AHRR: variants seen among roughly 807,000 people sequenced by gnomAD.
AHRR encodes ahR repressor.
AHRR carries 28 observed loss-of-function variants against 44.0 expected under a neutral mutation model. The observed-to-expected ratio is 0.64, with a 90% CI of 0.47 to 0.87. The LOEUF is 0.87. AHRR is among the 40% of genes least tolerant of loss of function. The pLI is 0.00. For synonymous variants in AHRR, 434 were observed against 407.0 expected (o/e 1.07, Z -0.80); for missense variants, 990 against 953.9 (o/e 1.04, Z -0.50).
At chr5:344,043 G>C (rs1416125553) in intron 2 of AHRR, 79 bp downstream of exon 2, 13 of 1,463,226 alleles carry the variant, frequency 8.9e-6, no homozygotes, top group Non-Finnish European at 1.0e-5. Flanking sequence ...TGAAAACGGA[G>C]TTTTAGGAAC....
intron 2 of AHRR, among the ~76,000 whole-genome samples, chr5:347,012 G>C (rs1255348654): frequency 6.6e-6 from 1 of 152,156 alleles, no homozygotes; most frequent in Non-Finnish European, 1.5e-5. Flanking sequence ...GCCAAAGCAC[G>C]GGCGTTTGTA....
At chr5:334,583 T>C (rs187673171) in intron 1 of AHRR, among the ~76,000 whole-genome samples, 2 of 152,210 alleles carry the variant, frequency 1.3e-5, no homozygotes. Context: ...ATCTCATTCA[T>C]ATTCTGAATT....
intron 4 of AHRR, among the ~76,000 whole-genome samples, chr5:389,465 T>C (rs933272042): frequency 5.3e-5 from 8 of 152,194 alleles, no homozygotes; most frequent in African/African-American, 1.7e-4. Context: ...ACGTGCTGCG[T>C]AGCCGGAAAT....
chr5:382,895 A>G (rs10071582), intron 4 of AHRR, among the ~76,000 whole-genome samples: 112,410 of 152,086 alleles, frequency 0.74, 42,255 homozygotes, highest in Non-Finnish European at 0.77. Context: ...ACTCTGTAAT[A>G]TAAGCATTTA....
intron 1 of AHRR, among the ~76,000 whole-genome samples, chr5:341,464 C>T (rs1222351871): frequency 6.6e-5 from 10 of 151,204 alleles, no homozygotes; most frequent in Non-Finnish European, 4.4e-5. Flanking sequence ...AAAGAACCAA[C>T]TTTTGGTTTA....
chr5:372,103 T>A (rs766172447), intron 3 of AHRR, among the ~76,000 whole-genome samples: 2 of 152,182 alleles, frequency 1.3e-5, no homozygotes, highest in African/African-American at 2.4e-5. Flanking sequence ...CTGGTTGAGC[T>A]CCTCCTCCAG....
At chr5:432,690 G>A in intron 9 of AHRR, 116 bp from the exon 10 acceptor site, 1 of 1,558,732 alleles carries the variant, frequency 6.4e-7, no homozygotes. Context: ...CCTGGGCTCT[G>A]GTCTGTGCAT....
intron 8 of AHRR, 29 bp from the exon 9 acceptor site, chr5:432,427 CGTCACAT>C: frequency 6.3e-7 from 1 of 1,597,712 alleles, no homozygotes; most frequent in Non-Finnish European, 8.6e-7. Context: ...CTTGTTCATC[CGTCACAT>C]GTCACATGTT....
chr5:332,240 GAAGA>G (rs982338073), intron 1 of AHRR, among the ~76,000 whole-genome samples: 1 of 142,678 alleles, frequency 7.0e-6, no homozygotes, highest in Non-Finnish European at 1.5e-5. Context: ...AGGAAAAAAA[GAAGA>G]AAGAAAAATC....
intron 4 of AHRR, among the ~76,000 whole-genome samples, chr5:398,690 G>GT (rs1345006383): frequency 6.6e-6 from 1 of 152,198 alleles, no homozygotes; most frequent in Non-Finnish European, 1.5e-5. Context: ...CTGTTACTCC[G>GT]TTTTAAGCTG....
rs2671900 is a variant in AHRR at position 406,999 on chromosome 5, C to T, written c.352-6345C>T. 0.012 allele frequency among the ~76,000 whole-genome samples: 1,875 copies of T among 152,248 alleles called. 44 individuals carry two copies. The highest frequency in any genetic ancestry group is 0.044 in the African/African-American group (1,820 of 41,536). ...TTTTCATGCATCAAATTTCCATTTG[C>T]GCTTGGACCCATTTCTGGATGTTCC... On this transcript the variant is annotated intron_variant, in intron 4 of 10. Transcript: ENST00000684583. This position sits in a 1 kb window ranked among gnomAD's most constrained non-coding sequence, Gnocchi z 4.7.
intron 4 of AHRR, chr5:403,696 A>ATTTT: frequency 1.9e-6 from 1 of 530,786 alleles, no homozygotes; most frequent in Non-Finnish European, 2.8e-6. Flanking sequence ...TTTTTTTTTT[A>ATTTT]CTTTCTCTCA....
intron 3 of AHRR, among the ~76,000 whole-genome samples, chr5:362,914 C>T (rs1353637929): frequency 6.6e-6 from 1 of 152,234 alleles, no homozygotes; most frequent in Admixed American, 6.5e-5. Context: ...CAGCAAACCT[C>T]CTTTGTGGAC....
At chr5:373,892 C>T (rs1306010152) in intron 3 of AHRR, among the ~76,000 whole-genome samples, 2 of 150,886 alleles carry the variant, frequency 1.3e-5, no homozygotes, top group Non-Finnish European at 3.0e-5. Flanking sequence ...CTGGCTGGCC[C>T]CATCGCGTGA....
chr5:419,740 T>C lies in AHRR; in HGVS notation c.442-2989T>C, dbSNP rs578182259. 2.9e-4 allele frequency among the ~76,000 whole-genome samples: 44 copies of C among 152,304 alleles called. 3 individuals are homozygous for C. In the South Asian group the frequency reaches 9.1e-3, roughly 32 times the overall value. On this transcript the variant is annotated intron_variant, in intron 5 of 10. Transcript: ENST00000684583. The surrounding 1 kb of genome is among the most constrained non-coding windows in gnomAD (Gnocchi z 4.4). ...AGCTGATGGGGTTGGTATTTCTGTT[T>C]GTTGCCAACCCCTGTTTACCGGAAG...
rs1742220163 is a variant in AHRR, at chr5:338,502, T to G, written c.-10-5391T>G. Among the ~76,000 whole-genome samples, 1 of 152,204 alleles carries G rather than the reference T, an allele frequency of 6.6e-6. No homozygotes were observed. Among genetic ancestry groups the G allele is most frequent in the Non-Finnish European group, 1.5e-5 (1 of 68,030 alleles). Reference sequence around the variant, plus strand: ...GTTTCTGATGAGGAATCTGCTGTCATCTTATTTTTGATCCTTTGTACCCAG... The same window carrying G: ...GTTTCTGATGAGGAATCTGCTGTCAGCTTATTTTTGATCCTTTGTACCCAG... On this transcript the variant is annotated intron_variant, in intron 1 of 10. Coordinates refer to ENST00000684583, the MANE Select transcript of AHRR (RefSeq NM_001377236.1). The surrounding 1 kb of genome is among the most constrained non-coding windows in gnomAD (Gnocchi z 4.1).
At position 422,320 on chromosome 5, in the gene AHRR, G is replaced by A. The variant is rs188502415; in HGVS notation, c.442-409G>A. 221 of 296,744 alleles carry A rather than the reference G, an allele frequency of 7.4e-4. 7 individuals are homozygous for A. In the Middle Eastern group the frequency reaches 0.016, roughly 21 times the overall value. The allele number at this position is 296,744 out of a possible 1,614,324, so 18.4% of individuals were successfully genotyped here. A position where few individuals can be genotyped will look rare whatever the true frequency, so the allele number is the denominator to read the frequency against. On this transcript the variant is annotated intron_variant, in intron 5 of 10. Transcript: ENST00000684583. ...TTGAGGCATCGTGAAAGTGGGTGAA[G>A]GTTGAGGCCTGGGTGTCAGGAAGAA...
chr5:424,247 G>T (rs2126535872), intron 7 of AHRR, among the ~76,000 whole-genome samples: 1 of 150,588 alleles, frequency 6.6e-6, no homozygotes, highest in South Asian at 2.1e-4. Flanking sequence ...CTGGTGGGGG[G>T]GCGAGGGCCG....
chr5:380,371 C>A (rs184307928), intron 4 of AHRR, among the ~76,000 whole-genome samples: 2 of 152,186 alleles, frequency 1.3e-5, no homozygotes, highest in Admixed American at 1.3e-4. Context: ...ACAAAAATCC[C>A]TGCTGGGATT....
Sources: allele counts gnomAD v4.1 joint callset (sites outside exome capture counted in the v4.1 genomes callset), GRCh38; gene constraint gnomAD v4.1.1; non-coding constraint Gnocchi (gnomAD v3.1); transcripts MANE v1.5; gene names NCBI Gene and HGNC (gene_info 2026-07-23, HGNC 2026-07-21).